Variants in CDKL5 observed in about 807,000 individuals in gnomAD.
The protein encoded by CDKL5 is cyclin dependent kinase like 5, also known as cyclin-dependent kinase-like 5.
Under a neutral mutation model 61.7 loss-of-function variants are expected in CDKL5, and 8 were observed. The ratio of observed to expected loss-of-function variants is 0.13; its 90% CI spans 0.08 to 0.23. The LOEUF (loss-of-function observed/expected upper bound fraction) is 0.23. CDKL5 is among the 10% of genes least tolerant of loss of function. The probability of loss-of-function intolerance (pLI) is 1.00; values close to 1 mark genes in which losing one functional copy is unlikely to be tolerated. For missense variants in CDKL5, 440 were observed against 734.5 expected, an observed-to-expected ratio of 0.60 and a Z score of 4.63; for synonymous variants, 275 against 272.3, an observed-to-expected ratio of 1.01 and a Z score of -0.10.
intron 20 of CDKL5, among the ~76,000 whole-genome samples, chrX:18,648,611 C>A (rs1414780690): frequency 9.0e-6 from 1 of 111,683 alleles, no homozygotes; most frequent in African/African-American, 3.3e-5. Flanking sequence ...GAATAAAGGG[C>A]CTTTCCCAGC....
chrX:18,569,862 C>G (rs912091559), intron 4 of CDKL5, among the ~76,000 whole-genome samples: 1 of 110,985 alleles, frequency 9.0e-6, no homozygotes, highest in Non-Finnish European at 1.9e-5. Context: ...GAGCTATACA[C>G]TAGTCTACAT....
chrX:18,566,216 A>T (rs1390614515), intron 4 of CDKL5, among the ~76,000 whole-genome samples: 1 of 111,828 alleles, frequency 8.9e-6, no homozygotes. Context: ...CAGTGGCGCA[A>T]TCTTGGCTCA....
chrX:18,600,793 G>C (rs1926153145), intron 11 of CDKL5, among the ~76,000 whole-genome samples: 1 of 111,974 alleles, frequency 8.9e-6, no homozygotes. Context: ...TTTTGAAATA[G>C]AGGAGAATAG....
chrX:18,496,811 A>G (rs1204530612), intron 1 of CDKL5, among the ~76,000 whole-genome samples: 1 of 110,240 alleles, frequency 9.1e-6, no homozygotes, highest in East Asian at 2.8e-4. Flanking sequence ...GGTGTTGTTT[A>G]TAATTTGTTA....
downstream of CDKL5, chrX:18,642,253 A>G: frequency 2.1e-6 from 2 of 966,962 alleles, no homozygotes; most frequent in Non-Finnish European, 3.0e-6. Flanking sequence ...AACTATAGAA[A>G]TGATTAGGAA....
At chrX:18,551,753 T>A (rs906501819) in intron 3 of CDKL5, among the ~76,000 whole-genome samples, 33 of 107,011 alleles carry the variant, frequency 3.1e-4, no homozygotes, top group African/African-American at 1.1e-3. Context: ...ACCCAGCTAA[T>A]CTTTTGTAGT....
At chrX:18,557,520 G>A (rs138274002) in intron 3 of CDKL5, among the ~76,000 whole-genome samples, 1,820 of 111,274 alleles carry the variant, frequency 0.016, 17 homozygotes, top group Middle Eastern at 0.047. Context: ...GGCTTAATCC[G>A]TGAATAGTAG....
At chrX:18,554,827 T>C (rs762024204) in intron 3 of CDKL5, among the ~76,000 whole-genome samples, 1 of 112,013 alleles carries the variant, frequency 8.9e-6, no homozygotes, top group Non-Finnish European at 1.9e-5. Flanking sequence ...ATTTTAATAA[T>C]TTTTGGAGAA....
rs779222826 is a variant in CDKL5 at position 18,544,287 on chromosome X, CA to C, written c.100-20188del. 2.7e-5 allele frequency among the ~76,000 whole-genome samples: 3 copies of C among 112,247 alleles called. No homozygotes were observed. In the East Asian group the frequency reaches 8.4e-4, roughly 32 times the overall value. ...CAGGAGAAACTAGATCTCAGGGATA[CA>C]ACCCCATGATCTCTGAGTTCCTTTG... On this transcript the variant is annotated intron_variant, in intron 3 of 17. Coordinates refer to ENST00000623535, the MANE Select transcript of CDKL5 (RefSeq NM_001323289.2).
chrX:18,473,644 G>C (rs1175197284), intron 1 of CDKL5, among the ~76,000 whole-genome samples: 1 of 109,781 alleles, frequency 9.1e-6, no homozygotes, highest in East Asian at 2.9e-4. Flanking sequence ...ATCTCAGACT[G>C]TGATATGGAC....
At chrX:18,652,518 A>C (rs754800646) in intron 21 of CDKL5, among the ~76,000 whole-genome samples, 1 of 111,319 alleles carries the variant, frequency 9.0e-6, no homozygotes, top group South Asian at 3.8e-4. Flanking sequence ...AAAATACAAA[A>C]ATTAGCCGAG....
chrX:18,450,723 C>T (rs537517058), intron 1 of CDKL5, among the ~76,000 whole-genome samples: 4 of 110,844 alleles, frequency 3.6e-5, no homozygotes, highest in South Asian at 3.8e-4. Context: ...TACAGGCATC[C>T]GCCACCACGC....
At chrX:18,648,124 C>T (rs1209361610) in intron 20 of CDKL5, among the ~76,000 whole-genome samples, 1 of 111,145 alleles carries the variant, frequency 9.0e-6, no homozygotes, top group Non-Finnish European at 1.9e-5. Context: ...ATCGCTTGAA[C>T]CCGGGAGGCA....
intron 15 of CDKL5, among the ~76,000 whole-genome samples, chrX:18,617,215 TC>T (rs1264607533): frequency 2.7e-5 from 3 of 111,405 alleles, no homozygotes; most frequent in African/African-American, 9.8e-5. Context: ...AACGTTAGAG[TC>T]CCATGCCTGT....
At chrX:18,431,018 C>T (rs374179421) in intron 1 of CDKL5, among the ~76,000 whole-genome samples, 1 of 108,635 alleles carries the variant, frequency 9.2e-6, no homozygotes, top group Non-Finnish European at 1.9e-5. Context: ...CCTGCCACCA[C>T]GCCTGGCTAA....
chrX:18,463,465 G>A (rs748928228), intron 1 of CDKL5, among the ~76,000 whole-genome samples: 1 of 111,800 alleles, frequency 8.9e-6, no homozygotes, highest in African/African-American at 3.2e-5. Flanking sequence ...ACTCAGTTTT[G>A]TATGCATGGA....
At chrX:18,450,078 C>T (rs1178113974) in intron 1 of CDKL5, among the ~76,000 whole-genome samples, 1 of 112,474 alleles carries the variant, frequency 8.9e-6, no homozygotes, top group Non-Finnish European at 1.9e-5. Flanking sequence ...CAGGCATGAG[C>T]CACTGTGCCC....
intron 5 of CDKL5, among the ~76,000 whole-genome samples, chrX:18,578,532 A>G (rs1925372265): frequency 8.9e-6 from 1 of 112,298 alleles, no homozygotes; most frequent in Non-Finnish European, 1.9e-5. Flanking sequence ...TTTATCTATT[A>G]GTGTTTCTCA....
chrX:18,583,281 A>G (rs1290120942), intron 7 of CDKL5, among the ~76,000 whole-genome samples: 3 of 111,525 alleles, frequency 2.7e-5, no homozygotes, highest in Non-Finnish European at 5.7e-5. Context: ...TGGCAGCACC[A>G]CATGCGGTAT....
Sources: gnomAD v4.1 joint callset for allele counts (sites outside exome capture counted in the v4.1 genomes callset) on GRCh38, gnomAD v4.1.1 for gene constraint, MANE v1.5 for transcripts, NCBI Gene and HGNC (gene_info 2026-07-23, HGNC 2026-07-21) for gene names.